Variants in YWHAZ observed in about 807,000 individuals in gnomAD.
YWHAZ encodes tyrosine 3-monooxygenase/tryptophan 5-monooxygenase activation protein zeta, also known as 14-3-3 protein zeta/delta.
For missense variants in YWHAZ, 79 were observed against 284.8 expected, an observed-to-expected ratio of 0.28 and a Z score of 5.20; for synonymous variants, 87 against 103.6, an observed-to-expected ratio of 0.84 and a Z score of 0.97.
Position 100,919,309 on chromosome 8 carries a change from G to A in YWHAZ, c.*1384C>T, listed in dbSNP as rs187173723. 9.8e-5 allele frequency: 15 copies of A among 152,708 alleles called. No homozygotes were observed. The East Asian group carries it at 2.7e-3, about 27-fold the overall frequency. The allele number at this position is 152,708 out of a possible 1,614,324, so 9.5% of individuals were successfully genotyped here. ...AAGAAATTCTTAAAAACCAAAAAGT[G>A]ATTTGGAAGCACAAAACTTACAGTT... On this transcript the variant is annotated 3_prime_UTR_variant, in exon 6 of 6. Coordinates refer to ENST00000395958, the MANE Select transcript of YWHAZ (RefSeq NM_145690.3).
chr8:100,945,354 A>C (rs1810189423), intron 2 of YWHAZ, among the ~76,000 whole-genome samples: 1 of 152,216 alleles, frequency 6.6e-6, no homozygotes, highest in African/African-American at 2.4e-5. Context: ...AGAAAAACTC[A>C]GAACTTTGGA....
At chr8:100,943,897 G>A (rs928334630) in intron 2 of YWHAZ, among the ~76,000 whole-genome samples, 9 of 148,488 alleles carry the variant, frequency 6.1e-5, no homozygotes, top group African/African-American at 2.0e-4. Flanking sequence ...TGAGGCAGGA[G>A]AATGGCGTGA....
At chr8:100,937,495 A>G (rs1179284477) in intron 2 of YWHAZ, among the ~76,000 whole-genome samples, 1 of 152,246 alleles carries the variant, frequency 6.6e-6, no homozygotes, top group Non-Finnish European at 1.5e-5. Context: ...ATTAGCAAAT[A>G]GCAAATCCCC....
chr8:100,934,376 C>T (rs1473516675), intron 2 of YWHAZ, among the ~76,000 whole-genome samples: 1 of 150,412 alleles, frequency 6.6e-6, no homozygotes, highest in Non-Finnish European at 1.5e-5. Context: ...GCTACATACC[C>T]AAATAATAGA....
chr8:100,951,046 C>CA, intron 1 of YWHAZ: 4 of 535,484 alleles, frequency 7.5e-6, no homozygotes, highest in Non-Finnish European at 9.6e-6. Flanking sequence ...CCGTCCACAC[C>CA]TCCCCCGCCC....
chr8:100,940,275 TTGG>T (rs751763833), intron 2 of YWHAZ, among the ~76,000 whole-genome samples: 1 of 152,150 alleles, frequency 6.6e-6, no homozygotes, highest in African/African-American at 2.4e-5. Context: ...CTTTTTGTTG[TTGG>T]TGGTGGTGGT....
chr8:100,949,033 T>C, intron 1 of YWHAZ, 133 bp from the exon 2 acceptor site: 1 of 1,080,138 alleles, frequency 9.3e-7, no homozygotes, highest in Non-Finnish European at 1.3e-6. Flanking sequence ...CATGAGGAAT[T>C]AAAATGCAGC....
intron 5 of YWHAZ, among the ~76,000 whole-genome samples, chr8:100,921,887 T>G (rs1813048286): frequency 6.6e-6 from 1 of 152,230 alleles, no homozygotes; most frequent in Admixed American, 6.5e-5. Flanking sequence ...AATCTTAAAT[T>G]TTATATATGA....
At chr8:100,933,548 G>T (rs1813909635) in intron 2 of YWHAZ, among the ~76,000 whole-genome samples, 2 of 152,068 alleles carry the variant, frequency 1.3e-5, no homozygotes, top group African/African-American at 4.8e-5. Flanking sequence ...AAAATGAAAA[G>T]AATCTGTGCT....
chr8:100,952,331 T>G (rs1810858194), upstream of YWHAZ: 1 of 192,600 alleles, frequency 5.2e-6, no homozygotes, highest in African/African-American at 2.4e-5. Flanking sequence ...GCTGCTTTTT[T>G]CCTTTTCCTC....
chr8:100,952,828 C>T (rs1459515287), upstream of YWHAZ: 3 of 1,000,490 alleles, frequency 3.0e-6, no homozygotes, highest in South Asian at 9.4e-5. Flanking sequence ...TCCCGGCCTC[C>T]CTCCCGCCGC....
rs761123977 is a variant in YWHAZ at position 100,920,763 on chromosome 8, A to G, written c.679-11T>C. ...ATCCGATGTCCACAACTGGTAAAAG[A>G]AGGAAAGATTTTTCAGCAAGTTTCA... On this transcript the variant is annotated splice_polypyrimidine_tract_variant and intron_variant, in intron 5 of 5. Transcript: ENST00000395958. 1.9e-4 allele frequency: 215 copies of G among 1,124,198 alleles called. 5 individuals are homozygous for G. In the Admixed American group the frequency reaches 3.9e-3, roughly 21 times the overall value. 69.6% of individuals were successfully genotyped at this position (1,124,198 alleles called of 1,614,324 possible). A position where few individuals can be genotyped will look rare whatever the true frequency, so the allele number is the denominator to read the frequency against.
At chr8:100,951,039 T>TCCACACCTCCCCCGC (rs1304213422) in intron 1 of YWHAZ, 1 of 269,516 alleles carries the variant, frequency 3.7e-6, no homozygotes, top group East Asian at 1.9e-4. Context: ...GCAGCCCCCG[T>TCCACACCTCCCCCGC]CCACACCTCC....
intron 1 of YWHAZ, chr8:100,951,353 G>T (rs1810757593): frequency 4.1e-6 from 4 of 984,568 alleles, no homozygotes; most frequent in Non-Finnish European, 4.8e-6. Flanking sequence ...CTCCCGGGGT[G>T]GGGGAGGGCC....
At chr8:100,934,349 G>A in intron 2 of YWHAZ, among the ~76,000 whole-genome samples, 1 of 150,096 alleles carries the variant, frequency 6.7e-6, no homozygotes, top group East Asian at 2.0e-4. Flanking sequence ...TAAAAGGAGG[G>A]TCTGGCTAAG....
Position 100,924,740 on chromosome 8 carries a change from T to G in YWHAZ, c.418+176A>C, listed in dbSNP as rs1468588082. ...CAATATTGGCTTTTCAGAAAGCATT[T>G]ATTTTAGAATAGCAGTATGAGGCAG... On this transcript the variant is annotated intron_variant, in intron 3 of 5. Coordinates refer to ENST00000395958, the MANE Select transcript of YWHAZ (RefSeq NM_145690.3). This position sits in a 1 kb window ranked among gnomAD's most constrained non-coding sequence, Gnocchi z 5.7. Among the ~76,000 whole-genome samples, 4 of 152,248 alleles carry G rather than the reference T, an allele frequency of 2.6e-5. No homozygotes were observed. The highest frequency in any genetic ancestry group is 1.5e-5 in the Non-Finnish European group (1 of 68,040).
At chr8:100,950,727 A>G (rs1335220507) in intron 1 of YWHAZ, among the ~76,000 whole-genome samples, 2 of 151,746 alleles carry the variant, frequency 1.3e-5, no homozygotes, top group Admixed American at 1.3e-4. Context: ...AGCCCGCAGA[A>G]GCGGAACCAC....
intron 2 of YWHAZ, among the ~76,000 whole-genome samples, chr8:100,940,632 A>G (rs1476407915): frequency 1.1e-4 from 16 of 152,236 alleles, no homozygotes; most frequent in Admixed American, 1.0e-3. Flanking sequence ...AAACCACAAT[A>G]AAGTGATATC....
intron 5 of YWHAZ, 178 bp downstream of exon 5, chr8:100,923,777 A>G: frequency 2.1e-6 from 1 of 481,752 alleles, no homozygotes; most frequent in African/African-American, 2.0e-5. Flanking sequence ...CTAATATTTC[A>G]GTTTCTGTAA....
Sources: allele counts gnomAD v4.1 joint callset (sites outside exome capture counted in the v4.1 genomes callset), GRCh38; gene constraint gnomAD v4.1.1; non-coding constraint Gnocchi (gnomAD v3.1); transcripts MANE v1.5; gene names NCBI Gene and HGNC (gene_info 2026-07-23, HGNC 2026-07-21).